Variants in COL14A1 observed in about 807,000 individuals in gnomAD.
COL14A1 encodes the protein collagen alpha-1(XIV) chain.
In COL14A1, 136 loss-of-function variants were observed where a neutral mutation model predicts 230.3. The ratio of observed to expected loss-of-function variants is 0.59; its 90% CI spans 0.51 to 0.68. COL14A1 has a LOEUF of 0.68. Ranked by LOEUF, COL14A1 falls within the 30% of genes least tolerant of loss-of-function variation. COL14A1 has a pLI of 0.00. For synonymous variants in COL14A1, 792 were observed against 784.1 expected (o/e 1.01, Z -0.17); for missense variants, 1,976 against 2,215.8 (o/e 0.89, Z 2.17).
chr8:120,212,940 CTTTTTTGATTGTAT>C (rs1177120301), intron 13 of COL14A1, among the ~76,000 whole-genome samples: 3 of 152,088 alleles, frequency 2.0e-5, no homozygotes, highest in Non-Finnish European at 4.4e-5. Context: ...ATTGATACAA[CTTTTTTGATTGTAT>C]AAAAGGAAGA....
Position 120,269,283 on chromosome 8 carries a change from G to A in COL14A1, c.3074-752G>A, listed in dbSNP as rs144278139. ...GCATAGATAATCTGAAATAGCACAT[G>A]ATACCAAAAAAGAACTTTTAAAAAA... On this transcript the variant is annotated intron_variant, in intron 25 of 47. Transcript: ENST00000297848. 7.2e-3 allele frequency among the ~76,000 whole-genome samples: 1,093 copies of A among 151,908 alleles called. 14 individuals carry two copies. Among genetic ancestry groups the A allele is most frequent in the African/African-American group, 0.024 (1,008 of 41,514 alleles).
rs550233847 is a variant in COL14A1 at position 120,278,325 on chromosome 8, T to G, written c.3337+91T>G. On this transcript the variant is annotated intron_variant, in intron 27 of 47. Transcript: ENST00000297848. ...TTTTATTTTAAGGCATAGTAATTTT[T>G]TAAAGATTTTTTTTTTCATTAATTT... 6,024 of 1,507,564 alleles carry G rather than the reference T, an allele frequency of 4.0e-3. 17 individuals are homozygous for G. The highest frequency in any genetic ancestry group is 4.9e-3 in the Non-Finnish European group (5,505 of 1,129,090). 93.4% of individuals were successfully genotyped at this position (1,507,564 alleles called of 1,614,324 possible).
chr8:120,145,739 T>C (rs1815071655), intron 1 of COL14A1, among the ~76,000 whole-genome samples: 1 of 152,238 alleles, frequency 6.6e-6, no homozygotes, highest in African/African-American at 2.4e-5. Context: ...ATGTTCATTG[T>C]GGTGTTATAT....
At chr8:120,192,612 G>A (rs1007353275) in intron 5 of COL14A1, among the ~76,000 whole-genome samples, 16 of 152,182 alleles carry the variant, frequency 1.1e-4, no homozygotes, top group Non-Finnish European at 2.1e-4. Context: ...GATTGGTGAA[G>A]TTCTCCTGGA....
upstream of COL14A1, among the ~76,000 whole-genome samples, chr8:120,124,899 G>C (rs893445910): frequency 6.6e-6 from 1 of 152,138 alleles, no homozygotes; most frequent in Non-Finnish European, 1.5e-5. Flanking sequence ...GCGCGCACCT[G>C]GGGGGACCGC....
At chr8:120,350,812 A>G (rs1822726208) in intron 45 of COL14A1, among the ~76,000 whole-genome samples, 1 of 151,566 alleles carries the variant, frequency 6.6e-6, no homozygotes, top group East Asian at 1.9e-4. Flanking sequence ...CCCACTGTCA[A>G]CATTAGACAG....
At chr8:120,328,997 A>G (rs2130193468) in intron 40 of COL14A1, among the ~76,000 whole-genome samples, 1 of 152,226 alleles carries the variant, frequency 6.6e-6, no homozygotes, top group African/African-American at 2.4e-5. Flanking sequence ...TTCACTCCCT[A>G]TCCAGTGCTG....
At chr8:120,310,645 A>G (rs1055690071) in intron 37 of COL14A1, among the ~76,000 whole-genome samples, 1 of 152,236 alleles carries the variant, frequency 6.6e-6, no homozygotes, top group African/African-American at 2.4e-5. Flanking sequence ...GACTGGCAGA[A>G]GCCCAGTCAC....
chr8:120,278,250 G>A lies in COL14A1; in HGVS notation c.3337+16G>A. 1 of 1,594,156 alleles carries A rather than the reference G, an allele frequency of 6.3e-7. No individual in the cohort carries two copies. Among genetic ancestry groups the A allele is most frequent in the Non-Finnish European group, 8.5e-7 (1 of 1,173,396 alleles). On this transcript the variant is annotated intron_variant, in intron 27 of 47. Coordinates refer to ENST00000297848, the MANE Select transcript of COL14A1 (RefSeq NM_021110.4). ...ACAAAAACAGGTATGACCAAAAGAA[G>A]CCCAGCTAAGGCTCAAAGTAATTCA... is the stretch of plus-strand genomic sequence containing the variant.
chr8:120,340,302 C>T, intron 42 of COL14A1, among the ~76,000 whole-genome samples: 1 of 152,162 alleles, frequency 6.6e-6, no homozygotes, highest in East Asian at 1.9e-4. Context: ...GAAACACTTA[C>T]ACCTCCAAAA....
chr8:120,256,657 T>G (rs1205012359), intron 23 of COL14A1, among the ~76,000 whole-genome samples: 3 of 152,172 alleles, frequency 2.0e-5, no homozygotes, highest in Non-Finnish European at 2.9e-5. Context: ...TTAAATATGA[T>G]TTATGGGATG....
chr8:120,153,822 A>G (rs1815372938), intron 2 of COL14A1, among the ~76,000 whole-genome samples: 1 of 152,244 alleles, frequency 6.6e-6, no homozygotes, highest in African/African-American at 2.4e-5. Flanking sequence ...TCTGGGATAC[A>G]GTCTGTAGAA....
intron 45 of COL14A1, among the ~76,000 whole-genome samples, chr8:120,354,981 A>G (rs1348167028): frequency 2.0e-5 from 3 of 152,144 alleles, no homozygotes; most frequent in Non-Finnish European, 4.4e-5. Context: ...TACTGTCTTC[A>G]TGTAAATGGT....
At chr8:120,138,142 A>G (rs1814772144) in intron 1 of COL14A1, among the ~76,000 whole-genome samples, 1 of 152,114 alleles carries the variant, frequency 6.6e-6, no homozygotes, top group Non-Finnish European at 1.5e-5. Flanking sequence ...ATACCGATAT[A>G]TATCTATCAA....
intron 42 of COL14A1, among the ~76,000 whole-genome samples, chr8:120,339,241 C>A (rs944015602): frequency 6.6e-6 from 1 of 152,140 alleles, no homozygotes; most frequent in Admixed American, 6.5e-5. Context: ...AAGGCCTTTG[C>A]GATCCTCCCA....
intron 35 of COL14A1, 29 bp from the exon 36 acceptor site, chr8:120,300,703 A>G: frequency 6.4e-7 from 1 of 1,562,396 alleles, no homozygotes; most frequent in Non-Finnish European, 8.8e-7. Flanking sequence ...TGGCATGCTA[A>G]TGGTTGTGCT....
rs139464994 is a variant in COL14A1 at position 120,219,462 on chromosome 8, A to G, written c.1737+2972A>G. Among the ~76,000 whole-genome samples the G allele has an allele frequency of 3.4e-4, 52 of 152,302 alleles. No homozygotes were observed. The East Asian group carries it at 9.8e-3, about 29-fold the overall frequency. ...CACAGTTCTAGAAGCTGAGAAGTCT[A>G]AGATCAAGGCACCTGCACCTGAATT... is the stretch of plus-strand genomic sequence containing the variant. On this transcript the variant is annotated intron_variant, in intron 14 of 47. Transcript: ENST00000297848.
chr8:120,310,202 CCTT>C (rs1340745910), intron 37 of COL14A1, 140 bp downstream of exon 37: 3 of 718,146 alleles, frequency 4.2e-6, no homozygotes, highest in South Asian at 5.4e-5. Context: ...TGTGCCTAAC[CCTT>C]CTTCCTTATT....
Position 120,310,003 on chromosome 8 carries a change from T to A in COL14A1, c.4402-6T>A. 6.2e-7 allele frequency: 1 copy of A among 1,613,942 alleles called. No individual in the cohort carries two copies. ...TTTGAGCTAATACTTAACATCTGTT[T>A]GCCAGGGTGGTCCAGGACTCCGAGG... is the stretch of plus-strand genomic sequence containing the variant. On this transcript the variant is annotated splice_region_variant and splice_polypyrimidine_tract_variant and intron_variant, in intron 36 of 47. Transcript: ENST00000297848.
Sources: gnomAD v4.1 joint callset for allele counts (sites outside exome capture counted in the v4.1 genomes callset) on GRCh38, gnomAD v4.1.1 for gene constraint, MANE v1.5 for transcripts, NCBI Gene and HGNC (gene_info 2026-07-23, HGNC 2026-07-21) for gene names.